Variants in SLC12A6 observed in about 807,000 individuals in gnomAD.
SLC12A6 encodes K-Cl cotransporter 3.
A neutral mutation model predicts 135.3 loss-of-function variants in SLC12A6; 66 were observed. The ratio of observed to expected loss-of-function variants is 0.49; its 90% CI spans 0.40 to 0.60. The LOEUF is 0.60. Ranked by LOEUF, SLC12A6 falls within the 20% of genes least tolerant of loss-of-function variation. The pLI is 0.00. For missense variants in SLC12A6, 1,058 were observed against 1,452.3 expected (o/e 0.73, Z 4.41); for synonymous variants, 513 against 508.8 (o/e 1.01, Z -0.11).
chr15:34,247,900 T>A (rs1892109450), intron 13 of SLC12A6, among the ~76,000 whole-genome samples: 1 of 152,146 alleles, frequency 6.6e-6, no homozygotes, highest in South Asian at 2.1e-4. Context: ...GACAAAGTCT[T>A]GCTATGTTGC....
chr15:34,322,085 C>G (rs1222467491), intron 2 of SLC12A6, among the ~76,000 whole-genome samples: 2 of 152,202 alleles, frequency 1.3e-5, no homozygotes, highest in Non-Finnish European at 2.9e-5. Flanking sequence ...TGCCAATGTT[C>G]ACTTAAAACT....
At chr15:34,289,802 A>G (rs977490891) in intron 2 of SLC12A6, among the ~76,000 whole-genome samples, 1 of 152,082 alleles carries the variant, frequency 6.6e-6, no homozygotes, top group East Asian at 1.9e-4. Context: ...GGTAGTCTGT[A>G]TTTCTTTGGG....
intron 3 of SLC12A6, among the ~76,000 whole-genome samples, chr15:34,265,372 C>T (rs1595461069): frequency 7.6e-6 from 1 of 132,160 alleles, no homozygotes; most frequent in Admixed American, 7.5e-5. Flanking sequence ...TTACAGAAGA[C>T]AGAAAGTAAG....
intron 2 of SLC12A6, among the ~76,000 whole-genome samples, chr15:34,323,289 CA>C (rs998213960): frequency 9.9e-5 from 15 of 152,090 alleles, no homozygotes; most frequent in African/African-American, 3.4e-4. Context: ...CAGGGAAATG[CA>C]AATTAAAATC....
intron 1 of SLC12A6, 154 bp downstream of exon 1, chr15:34,337,178 G>T (rs930295019): frequency 1.4e-5 from 3 of 220,454 alleles, no homozygotes; most frequent in Non-Finnish European, 2.8e-5. Context: ...ATTGCTAAAA[G>T]GTGTACACCC....
At chr15:34,335,676 C>G (rs970996132) in intron 2 of SLC12A6, among the ~76,000 whole-genome samples, 1 of 152,178 alleles carries the variant, frequency 6.6e-6, no homozygotes, top group Non-Finnish European at 1.5e-5. Context: ...AGCTGACACA[C>G]ACAAACTGGT....
At chr15:34,240,338 G>T (rs184419978) in intron 19 of SLC12A6, among the ~76,000 whole-genome samples, 86 of 152,248 alleles carry the variant, frequency 5.6e-4, no homozygotes, top group African/African-American at 1.5e-3. Context: ...AAGATTGAGA[G>T]GAACCCTCTC....
chr15:34,334,402 T>C (rs1016581742), intron 2 of SLC12A6, among the ~76,000 whole-genome samples: 6 of 152,188 alleles, frequency 3.9e-5, no homozygotes, highest in African/African-American at 1.4e-4. Context: ...TAGGCCCTTT[T>C]CTTCACAACA....
At chr15:34,251,160 T>C (rs1406960057) in intron 10 of SLC12A6, 103 bp from the exon 11 acceptor site, 1 of 855,858 alleles carries the variant, frequency 1.2e-6, no homozygotes, top group African/African-American at 1.7e-5. Flanking sequence ...ATTTATACAG[T>C]TTCTAAAGGT....
chr15:34,236,194 T>C lies in SLC12A6; in HGVS notation c.3048A>G (p.Gln1016=), dbSNP rs755892310. The C allele has an allele frequency of 8.1e-6, 13 of 1,613,454 alleles. No homozygotes were observed. The highest frequency in any genetic ancestry group is 5.0e-5 in the Admixed American group (3 of 60,004). The change falls in exon 24 of 26, where the codon CAA becomes CAG. Residue 1016 remains glutamine, a synonymous_variant. Transcript: ENST00000354181. Reference sequence around the variant, plus strand: ...GCATTGAGTTTCGGTCTTTCACCAATTGTGCCTGAGGAAGAAGGTCCAACA... The same window carrying C: ...GCATTGAGTTTCGGTCTTTCACCAACTGTGCCTGAGGAAGAAGGTCCAACA... ...LSKTERDREA[Q]LVKDRNSMLR...
intron 23 of SLC12A6, among the ~76,000 whole-genome samples, chr15:34,236,473 T>C (rs1254399596): frequency 6.6e-6 from 1 of 152,092 alleles, no homozygotes; most frequent in Non-Finnish European, 1.5e-5. Flanking sequence ...GCCTCCTGAG[T>C]AGCTGGGATT....
chr15:34,271,858 CAA>C (rs1893978110), intron 3 of SLC12A6, among the ~76,000 whole-genome samples: 1 of 152,176 alleles, frequency 6.6e-6, no homozygotes. Context: ...GATGTTATTA[CAA>C]ATTCAATTAA....
At chr15:34,334,943 T>C (rs1595594688) in intron 2 of SLC12A6, among the ~76,000 whole-genome samples, 1 of 152,148 alleles carries the variant, frequency 6.6e-6, no homozygotes. Context: ...AGAATAAAAA[T>C]ACAATTCTGT....
chr15:34,238,169 C>CT, intron 21 of SLC12A6, 63 bp downstream of exon 21: 1 of 1,162,776 alleles, frequency 8.6e-7, no homozygotes. Flanking sequence ...AAGAATTTGT[C>CT]TGTCCTGTGA....
At chr15:34,329,363 C>G (rs1889686344) in intron 2 of SLC12A6, among the ~76,000 whole-genome samples, 1 of 152,200 alleles carries the variant, frequency 6.6e-6, no homozygotes, top group African/African-American at 2.4e-5. Context: ...AAGCTTACAG[C>G]ATTATAAGTT....
At chr15:34,272,512 A>T (rs1894033893) in intron 3 of SLC12A6, among the ~76,000 whole-genome samples, 1 of 152,218 alleles carries the variant, frequency 6.6e-6, no homozygotes, top group African/African-American at 2.4e-5. Flanking sequence ...TGAATCTAGG[A>T]GAGAGAACTC....
At chr15:34,309,875 A>G (rs8026499) in intron 2 of SLC12A6, among the ~76,000 whole-genome samples, 5,956 of 152,252 alleles carry the variant, frequency 0.039, 218 homozygotes, top group African/African-American at 0.098. Context: ...AAAGCCTCCC[A>G]TGAATTGTTA....
intron 18 of SLC12A6, 68 bp from the exon 19 acceptor site, chr15:34,240,897 G>T: frequency 8.4e-7 from 1 of 1,185,848 alleles, no homozygotes; most frequent in Non-Finnish European, 1.2e-6. Context: ...CAGAATGACA[G>T]ACTCCACCCT....
chr15:34,299,798 G>C lies in SLC12A6; in HGVS notation c.272-24409C>G, dbSNP rs1333865710. 1.1e-4 allele frequency: 16 copies of C among 152,160 alleles called. 1 individual carries two copies. The highest frequency in any genetic ancestry group is 1.0e-3 in the Admixed American group (16 of 15,274). The allele number at this position is 152,160 out of a possible 1,614,324, so 9.4% of individuals were successfully genotyped here. The stretch of plus-strand genomic sequence containing the variant: ...AAGCTGGGATGTTCTAGATCGTGTA[G>C]GTACATGTACCTGCTAAGCAGTACA... On this transcript the variant is annotated intron_variant, in intron 2 of 25. Transcript: ENST00000354181.
Sources: gnomAD v4.1 joint callset for allele counts (sites outside exome capture counted in the v4.1 genomes callset) on GRCh38, gnomAD v4.1.1 for gene constraint, MANE v1.5 for transcripts, NCBI Gene and HGNC (gene_info 2026-07-23, HGNC 2026-07-21) for gene names.